Variants in LDB2 observed in about 807,000 individuals in gnomAD.
LDB2 encodes LIM domain binding 2, also known as LIM domain-binding protein 2.
Under a neutral mutation model 44.3 loss-of-function variants are expected in LDB2, and 12 were observed. The observed-to-expected ratio is 0.27, with a 90% confidence interval of 0.17 to 0.44. The LOEUF (loss-of-function observed/expected upper bound fraction) is 0.44. LDB2 is among the 20% of genes least tolerant of loss of function. The pLI, the probability that LDB2 is intolerant of heterozygous loss-of-function variation, is 1.00. For synonymous variants in LDB2, 164 were observed against 174.8 expected (o/e 0.94, Z 0.49); for missense variants, 344 against 473.5 (o/e 0.73, Z 2.54).
chr4:16,776,825 G>T (rs1259095098), intron 1 of LDB2, among the ~76,000 whole-genome samples: 1 of 152,222 alleles, frequency 6.6e-6, no homozygotes, highest in African/African-American at 2.4e-5. Context: ...AACCACAGAA[G>T]GCCCTGCAGG....
chr4:16,722,752 G>A (rs1163167409), intron 2 of LDB2, among the ~76,000 whole-genome samples: 1 of 152,068 alleles, frequency 6.6e-6, no homozygotes, highest in Non-Finnish European at 1.5e-5. Context: ...AACATGATAG[G>A]TAATCAATAA....
rs145077347 is a variant in LDB2 at position 16,529,066 on chromosome 4, AG to A, written c.616-16963del. On this transcript the variant is annotated intron_variant, in intron 5 of 7. Coordinates refer to ENST00000304523, the MANE Select transcript of LDB2 (RefSeq NM_001290.5). ...TAAATCACTACCTCTAATCATTACC[AG>A]TACTTGGTGTTTACAGGGTACCAGG... is the stretch of plus-strand genomic sequence containing the variant. Among the ~76,000 whole-genome samples, 1,521 of 152,288 alleles carry A rather than the reference AG, an allele frequency of 1.0e-2. 143 individuals carry two copies. In the East Asian group the frequency reaches 0.22, roughly 22 times the overall value.
intron 1 of LDB2, 112 bp downstream of exon 1, chr4:16,898,242 T>TGGTA: frequency 9.7e-7 from 1 of 1,035,080 alleles, no homozygotes; most frequent in East Asian, 2.5e-5. Context: ...TCCACGTACG[T>TGGTA]GGTAGTATCA....
intron 6 of LDB2, among the ~76,000 whole-genome samples, chr4:16,509,652 A>G (rs1458963886): frequency 6.6e-6 from 1 of 152,208 alleles, no homozygotes; most frequent in African/African-American, 2.4e-5. Context: ...TCTTTGTTTC[A>G]TAAATGAGAA....
At chr4:16,702,851 C>G (rs977871301) in intron 2 of LDB2, among the ~76,000 whole-genome samples, 1 of 152,190 alleles carries the variant, frequency 6.6e-6, no homozygotes, top group Non-Finnish European at 1.5e-5. Flanking sequence ...CCTATCCTTC[C>G]CACTCTGCCA....
chr4:16,662,546 C>A (rs542102191), intron 2 of LDB2, among the ~76,000 whole-genome samples: 1 of 152,108 alleles, frequency 6.6e-6, no homozygotes, highest in East Asian at 1.9e-4. Context: ...TGGCTGTGTC[C>A]CCACCCAAAT....
chr4:16,890,151 C>T (rs1722937494), intron 1 of LDB2, among the ~76,000 whole-genome samples: 3 of 152,150 alleles, frequency 2.0e-5, no homozygotes, highest in African/African-American at 2.4e-5. Flanking sequence ...AGAAGCCCTC[C>T]GTGGCTCCAG....
At chr4:16,593,014 T>C (rs1719656425) in intron 3 of LDB2, among the ~76,000 whole-genome samples, 1 of 152,212 alleles carries the variant, frequency 6.6e-6, no homozygotes, top group African/African-American at 2.4e-5. Context: ...GTTTTAAAAT[T>C]CTAATTACAC....
intron 2 of LDB2, among the ~76,000 whole-genome samples, chr4:16,717,358 G>T (rs2152675142): frequency 6.6e-6 from 1 of 152,076 alleles, no homozygotes; most frequent in South Asian, 2.1e-4. Flanking sequence ...GAGAAAACTG[G>T]ATTGTTACTT....
intron 2 of LDB2, among the ~76,000 whole-genome samples, chr4:16,747,770 A>G (rs1764682433): frequency 6.6e-6 from 1 of 152,142 alleles, no homozygotes; most frequent in Non-Finnish European, 1.5e-5. Flanking sequence ...TATCTGGAAT[A>G]TCGGAATATG....
chr4:16,615,954 T>C (rs1000539436), intron 2 of LDB2, among the ~76,000 whole-genome samples: 3 of 152,158 alleles, frequency 2.0e-5, no homozygotes, highest in African/African-American at 7.2e-5. Flanking sequence ...GTCTCAGGTC[T>C]CTTGTTGGAT....
chr4:16,794,532 T>C lies in LDB2; in HGVS notation c.133-35272A>G, dbSNP rs184588657. On this transcript the variant is annotated intron_variant, in intron 1 of 7. Coordinates refer to ENST00000304523, the MANE Select transcript of LDB2 (RefSeq NM_001290.5). ...GACCTAGGCTGGAGCTCTGGCTTTG[T>C]TATTGAGCTGTGTGACTTTGGGTCT... is the stretch of plus-strand genomic sequence containing the variant. 4.8e-4 allele frequency among the ~76,000 whole-genome samples: 73 copies of C among 152,340 alleles called. No homozygotes were observed. In the Middle Eastern group the frequency reaches 0.01, roughly 21 times the overall value.
At chr4:16,515,452 A>C (rs1723293873) in intron 5 of LDB2, among the ~76,000 whole-genome samples, 1 of 152,224 alleles carries the variant, frequency 6.6e-6, no homozygotes, top group South Asian at 2.1e-4. Flanking sequence ...ATGCTTTGCT[A>C]CTACAAATCA....
chr4:16,851,570 G>T (rs1788265076), intron 1 of LDB2, among the ~76,000 whole-genome samples: 1 of 151,566 alleles, frequency 6.6e-6, no homozygotes, highest in Non-Finnish European at 1.5e-5. Context: ...CTCCAGTCTG[G>T]GTGAAACAGC....
intron 2 of LDB2, among the ~76,000 whole-genome samples, chr4:16,675,214 A>G (rs1745965145): frequency 6.6e-6 from 1 of 152,220 alleles, no homozygotes; most frequent in South Asian, 2.1e-4. Context: ...CAAGATGACA[A>G]CCAAGGAATT....
intron 1 of LDB2, among the ~76,000 whole-genome samples, chr4:16,896,362 G>A (rs149398236): frequency 2.0e-5 from 3 of 152,180 alleles, no homozygotes; most frequent in African/African-American, 7.2e-5. Context: ...CTTTTCAAAT[G>A]TCTTGTCTCA....
chr4:16,694,969 A>G (rs16893807), intron 2 of LDB2, among the ~76,000 whole-genome samples: 12,725 of 152,258 alleles, frequency 0.084, 838 homozygotes, highest in East Asian at 0.4. Flanking sequence ...AACTCTTTGT[A>G]GAGGAATTTG....
chr4:16,527,072 T>TTATC (rs1728504223), intron 5 of LDB2, among the ~76,000 whole-genome samples: 1 of 152,246 alleles, frequency 6.6e-6, no homozygotes, highest in Non-Finnish European at 1.5e-5. Flanking sequence ...TATTTATTAT[T>TTATC]TATCTGTTCT....
At chr4:16,643,808 T>C (rs1376191714) in intron 2 of LDB2, among the ~76,000 whole-genome samples, 2 of 152,190 alleles carry the variant, frequency 1.3e-5, no homozygotes, top group Non-Finnish European at 2.9e-5. Context: ...ACAAATAAAG[T>C]GTCACGAATA....
Sources: gnomAD v4.1 joint callset for allele counts (sites outside exome capture counted in the v4.1 genomes callset) on GRCh38, gnomAD v4.1.1 for gene constraint, MANE v1.5 for transcripts, NCBI Gene and HGNC (gene_info 2026-07-23, HGNC 2026-07-21) for gene names.